SLC7A7: variants seen among roughly 807,000 people sequenced by gnomAD.
The protein encoded by SLC7A7 is solute carrier family 7 member 7, also known as Y+L amino acid transporter 1.
SLC7A7 carries 39 observed loss-of-function variants against 47.9 expected under a neutral mutation model. The observed-to-expected ratio is 0.81, with a 90% CI of 0.63 to 1.06. The LOEUF (loss-of-function observed/expected upper bound fraction) is 1.06. SLC7A7 is among the 50% of genes least tolerant of loss of function. The pLI is 0.00. For missense variants in SLC7A7, 588 were observed against 632.0 expected, an observed-to-expected ratio of 0.93 and a Z score of 0.75; for synonymous variants, 234 against 242.8, an observed-to-expected ratio of 0.96 and a Z score of 0.34.
At chr14:22,808,202 G>T (rs530409228) in intron 2 of SLC7A7, among the ~76,000 whole-genome samples, 1 of 151,780 alleles carries the variant, frequency 6.6e-6, no homozygotes, top group East Asian at 1.9e-4. Flanking sequence ...TGCTCTTATG[G>T]TGCCTCTATC....
intron 2 of SLC7A7, among the ~76,000 whole-genome samples, chr14:22,805,767 TTAAAA>T (rs1192286519): frequency 1.3e-4 from 20 of 152,058 alleles, no homozygotes; most frequent in Non-Finnish European, 2.2e-4. Context: ...GCCCTGGAAC[TTAAAA>T]TAAAAGTGGA....
chr14:22,776,077 G>A, intron 5 of SLC7A7, 118 bp downstream of exon 5: 2 of 1,496,924 alleles, frequency 1.3e-6, no homozygotes, highest in Non-Finnish European at 1.9e-6. Flanking sequence ...TGCAAGCCCG[G>A]TATTCTAAAT....
chr14:22,813,544 C>A (rs1034426867), intron 1 of SLC7A7, 104 bp from the exon 2 acceptor site: 2 of 860,188 alleles, frequency 2.3e-6, no homozygotes, highest in East Asian at 5.3e-5. Context: ...CCAACCAATG[C>A]GGAGACCTCC....
At chr14:22,782,000 A>AT (rs2038727572) in intron 2 of SLC7A7, among the ~76,000 whole-genome samples, 1 of 152,228 alleles carries the variant, frequency 6.6e-6, no homozygotes, top group South Asian at 2.1e-4. Context: ...CTGTCCAGGG[A>AT]TGTAGGCAGG....
At chr14:22,779,493 C>T (rs972832466) in intron 3 of SLC7A7, among the ~76,000 whole-genome samples, 5 of 151,168 alleles carry the variant, frequency 3.3e-5, no homozygotes, top group Admixed American at 6.6e-5. Flanking sequence ...CTCGCTCTGT[C>T]GCCCAGGCTG....
At chr14:22,776,731 G>A (rs538077826) in intron 4 of SLC7A7, among the ~76,000 whole-genome samples, 1 of 152,290 alleles carries the variant, frequency 6.6e-6, no homozygotes, top group East Asian at 1.9e-4. Context: ...ACTTTGGGAG[G>A]CCGAGCCGGG....
intron 9 of SLC7A7, 39 bp from the exon 10 acceptor site, chr14:22,773,755 A>G (rs746460283): frequency 6.3e-7 from 1 of 1,599,616 alleles, no homozygotes; most frequent in Non-Finnish European, 8.6e-7. Context: ...AGAAGAGGTC[A>G]GCTGGGCTGA....
intron 8 of SLC7A7, 27 bp downstream of exon 8, chr14:22,774,327 A>C (rs756806900): frequency 6.2e-7 from 1 of 1,614,014 alleles, no homozygotes; most frequent in South Asian, 1.1e-5. Context: ...TTTCAGGTGG[A>C]GCAGAGGTAG....
At position 22,787,228 on chromosome 14, in the gene SLC7A7, G is replaced by A. The variant is rs2038832823; in HGVS notation, c.500-7177C>T. On this transcript the variant is annotated intron_variant, in intron 2 of 9. Coordinates refer to ENST00000674313, the MANE Select transcript of SLC7A7 (RefSeq NM_003982.4). ...AGGAGGGAGGATCACCTGAGGTCAG[G>A]AGTTTGAGACCAGGTTGGCCAACAT... is the stretch of plus-strand genomic sequence containing the variant. Among the ~76,000 whole-genome samples the A allele has an allele frequency of 2.6e-5, 4 of 152,028 alleles. No individual in the cohort carries two copies. In the South Asian group the frequency reaches 6.2e-4, roughly 24 times the overall value.
chr14:22,793,174 C>T (rs1026239535), intron 2 of SLC7A7, among the ~76,000 whole-genome samples: 1 of 151,892 alleles, frequency 6.6e-6, no homozygotes, highest in African/African-American at 2.4e-5. Flanking sequence ...GCCTCGGCTT[C>T]CCAAAGTGCT....
chr14:22,807,812 A>C (rs978770435), intron 2 of SLC7A7, among the ~76,000 whole-genome samples: 2 of 152,170 alleles, frequency 1.3e-5, no homozygotes, highest in Non-Finnish European at 1.5e-5. Context: ...AATTCAGCTC[A>C]GACACCATGT....
chr14:22,801,099 AT>A (rs1312239746), intron 2 of SLC7A7, among the ~76,000 whole-genome samples: 2 of 152,186 alleles, frequency 1.3e-5, no homozygotes, highest in Admixed American at 6.5e-5. Flanking sequence ...CATAAAAAAA[AT>A]GACTACTGTT....
intron 6 of SLC7A7, 131 bp from the exon 7 acceptor site, chr14:22,775,671 A>C: frequency 3.2e-6 from 3 of 942,590 alleles, no homozygotes; most frequent in South Asian, 1.3e-5. Flanking sequence ...ACTGGAGCTC[A>C]GTATTAAGAT....
At chr14:22,799,349 C>T (rs2039070036) in intron 2 of SLC7A7, among the ~76,000 whole-genome samples, 1 of 146,880 alleles carries the variant, frequency 6.8e-6, no homozygotes, top group African/African-American at 2.5e-5. Context: ...GGGTATTCCT[C>T]AGAATGCTTC....
chr14:22,790,346 A>C (rs1181910798), intron 2 of SLC7A7, among the ~76,000 whole-genome samples: 1 of 151,682 alleles, frequency 6.6e-6, no homozygotes, highest in African/African-American at 2.4e-5. Context: ...AAAAAAAAAA[A>C]AAAAAAAAAC....
chr14:22,797,222 C>T (rs1172729138), intron 2 of SLC7A7, among the ~76,000 whole-genome samples: 2 of 152,124 alleles, frequency 1.3e-5, no homozygotes, highest in Admixed American at 1.3e-4. Flanking sequence ...GGATTATCTC[C>T]CCCTGTGGTA....
intron 4 of SLC7A7, among the ~76,000 whole-genome samples, chr14:22,777,091 C>T (rs1176924628): frequency 1.4e-5 from 2 of 142,728 alleles, no homozygotes; most frequent in Non-Finnish European, 3.0e-5. Context: ...CTGCAGTGAA[C>T]CATGACTGGG....
chr14:22,791,831 CTTT>C (rs35316014), intron 2 of SLC7A7, among the ~76,000 whole-genome samples: 1 of 53,474 alleles, frequency 1.9e-5, no homozygotes, highest in Admixed American at 2.5e-4. Flanking sequence ...ATCTCTACAC[CTTT>C]TTTTTTTTTT....
Position 22,780,024 on chromosome 14 carries a change from T to C in SLC7A7, c.527A>G (p.Tyr176Cys), listed in dbSNP as rs1258579927. ...ICLLTFINCAYVKWGTLVQDI... is the reference protein window; with the variant it reads ...ICLLTFINCACVKWGTLVQDI... ...TTGTACCAGGGTTCCCCATTTGACA[T>C]AGGCACAGTTAATGAAGGTTAAGAG... The change falls in exon 3 of 10, where the codon TAT (tyrosine) becomes TGT (cysteine). Residue 176 changes from tyrosine (Y) to cysteine (C), a missense_variant. By Grantham distance (194) the Tyr-to-Cys change is radical (BLOSUM62 -2). Coordinates refer to ENST00000674313, the MANE Select transcript of SLC7A7 (RefSeq NM_003982.4). 6.2e-7 allele frequency: 1 copy of C among 1,614,050 alleles called. No individual in the cohort carries two copies. Among genetic ancestry groups the C allele is most frequent in the Non-Finnish European group, 8.5e-7 (1 of 1,179,968 alleles).
Sources: gnomAD v4.1 joint callset for allele counts (sites outside exome capture counted in the v4.1 genomes callset) on GRCh38, gnomAD v4.1.1 for gene constraint, MANE v1.5 for transcripts, NCBI Gene and HGNC (gene_info 2026-07-23, HGNC 2026-07-21) for gene names.